Variants in LOXHD1 observed in about 807,000 individuals in gnomAD.
LOXHD1 encodes lipoxygenase homology domain-containing protein 1.
Under a neutral mutation model 248.2 loss-of-function variants are expected in LOXHD1, and 205 were observed. The observed-to-expected ratio is 0.83, with a 90% confidence interval of 0.74 to 0.93. The LOEUF is 0.93. Ranked by LOEUF, LOXHD1 falls within the 40% of genes least tolerant of loss-of-function variation. The probability of loss-of-function intolerance (pLI) is 0.00; values close to 1 mark genes in which losing one functional copy is unlikely to be tolerated. For missense variants in LOXHD1, 2,930 were observed against 2,971.6 expected (o/e 0.99, Z 0.33); for synonymous variants, 1,113 against 1,162.8 (o/e 0.96, Z 0.87).
chr18:46,505,186 C>CT (rs34975318), intron 37 of LOXHD1, among the ~76,000 whole-genome samples: 6,718 of 145,068 alleles, frequency 0.046, 154 homozygotes, highest in South Asian at 0.067. Flanking sequence ...ATAATCCCTT[C>CT]TTTTTTTTTT....
At chr18:46,595,377 T>A (rs577294383) in intron 8 of LOXHD1, among the ~76,000 whole-genome samples, 1 of 152,294 alleles carries the variant, frequency 6.6e-6, no homozygotes, top group Non-Finnish European at 1.5e-5. Flanking sequence ...TCCCTAGAGA[T>A]AAATGATGGC....
intron 6 of LOXHD1, among the ~76,000 whole-genome samples, chr18:46,605,678 G>C (rs914809816): frequency 6.6e-6 from 1 of 152,172 alleles, no homozygotes; most frequent in Non-Finnish European, 1.5e-5. Flanking sequence ...CAGGATCTGA[G>C]AACTGGACTA....
rs561003310 is a variant in LOXHD1, at chr18:46,593,028, T to C, written c.1432-444A>G. On this transcript the variant is annotated intron_variant, in intron 10 of 40. Coordinates refer to ENST00000642948, the MANE Select transcript of LOXHD1 (RefSeq NM_001384474.1). ...CTCATAGTCTAGCAGAAAAGATAAA[T>C]ATATAAAGAGCAATGAACTGAGTGG... Among the ~76,000 whole-genome samples the C allele has an allele frequency of 2.2e-4, 33 of 152,156 alleles. No individual in the cohort carries two copies. In the South Asian group the frequency reaches 5.8e-3, roughly 27 times the overall value.
At chr18:46,612,858 A>T (rs186099652) in intron 5 of LOXHD1, among the ~76,000 whole-genome samples, 1 of 152,238 alleles carries the variant, frequency 6.6e-6, no homozygotes, top group East Asian at 1.9e-4. Flanking sequence ...GTAATCGAAC[A>T]TTTCATCTTT....
At chr18:46,611,937 A>G (rs1599049014) in intron 5 of LOXHD1, among the ~76,000 whole-genome samples, 1 of 152,138 alleles carries the variant, frequency 6.6e-6, no homozygotes, top group Non-Finnish European at 1.5e-5. Context: ...TGTGATAGTC[A>G]CTATTATATT....
At chr18:46,560,626 C>T in intron 18 of LOXHD1, 81 bp from the exon 19 acceptor site, 16 of 1,305,430 alleles carry the variant, frequency 1.2e-5, no homozygotes, top group Non-Finnish European at 1.7e-5. Flanking sequence ...AACAAAGAGC[C>T]AGGCACAAGG....
Position 46,655,650 on chromosome 18 carries a change from A to AG in LOXHD1, c.130+1253dup, listed in dbSNP as rs760174973. On this transcript the variant is annotated intron_variant, in intron 1 of 40. Coordinates refer to ENST00000642948, the MANE Select transcript of LOXHD1 (RefSeq NM_001384474.1). ...CTACAGCCCCCCCTTCTACCCTTGG[A>AG]GGTACCCAGGATTCTGTACCTGGAA... is the stretch of plus-strand genomic sequence containing the variant. 1.3e-5 allele frequency among the ~76,000 whole-genome samples: 2 copies of AG among 152,130 alleles called. 1 individual carries two copies. The highest frequency in any genetic ancestry group is 2.9e-5 in the Non-Finnish European group (2 of 68,004).
At chr18:46,587,051 A>C (rs954637873) in intron 12 of LOXHD1, among the ~76,000 whole-genome samples, 4 of 152,220 alleles carry the variant, frequency 2.6e-5, no homozygotes, top group African/African-American at 4.8e-5. Context: ...TAGGCACTTA[A>C]ACCATGAGTT....
chr18:46,624,247 C>G (rs994484777), intron 4 of LOXHD1, among the ~76,000 whole-genome samples: 2 of 152,118 alleles, frequency 1.3e-5, no homozygotes, highest in Admixed American at 1.3e-4. Context: ...CACTGAGAGC[C>G]AAGACGCTAG....
At chr18:46,536,619 G>A (rs778898444) in intron 26 of LOXHD1, among the ~76,000 whole-genome samples, 8 of 152,218 alleles carry the variant, frequency 5.3e-5, no homozygotes, top group African/African-American at 7.2e-5. Context: ...AGCCTCAGCC[G>A]CTGACGGCAT....
intron 1 of LOXHD1, among the ~76,000 whole-genome samples, chr18:46,651,870 G>A (rs187530694): frequency 1.3e-5 from 2 of 152,288 alleles, no homozygotes; most frequent in Admixed American, 6.5e-5. Flanking sequence ...TTAATACCCA[G>A]AAATTCCACT....
intron 37 of LOXHD1, among the ~76,000 whole-genome samples, chr18:46,502,944 T>C (rs1004651597): frequency 6.6e-6 from 1 of 152,142 alleles, no homozygotes; most frequent in Non-Finnish European, 1.5e-5. Context: ...GGGTTCTAAT[T>C]CCTTTGGGTC....
chr18:46,597,785 C>G (rs1599038433), intron 8 of LOXHD1, among the ~76,000 whole-genome samples: 1 of 148,872 alleles, frequency 6.7e-6, no homozygotes, highest in Non-Finnish European at 1.5e-5. Flanking sequence ...GAGATGGAGT[C>G]TCGCTCTGTT....
intron 38 of LOXHD1, among the ~76,000 whole-genome samples, chr18:46,488,728 G>T (rs879265863): frequency 6.6e-5 from 10 of 152,172 alleles, no homozygotes; most frequent in Non-Finnish European, 1.2e-4. Context: ...TCAGGTCAGG[G>T]TCAGCTTGTC....
chr18:46,535,642 C>T (rs1202104546), intron 26 of LOXHD1, among the ~76,000 whole-genome samples: 1 of 152,104 alleles, frequency 6.6e-6, no homozygotes, highest in Non-Finnish European at 1.5e-5. Flanking sequence ...AAACTCAGCT[C>T]ACGGCAACCT....
At chr18:46,486,865 T>C (rs16978569) in intron 38 of LOXHD1, among the ~76,000 whole-genome samples, 22,743 of 152,256 alleles carry the variant, frequency 0.15, 3,001 homozygotes, top group East Asian at 0.73. Flanking sequence ...TTTAGGTAGA[T>C]TAGAAACACA....
intron 25 of LOXHD1, 62 bp from the exon 26 acceptor site, chr18:46,538,399 G>A (rs1428324374): frequency 2.0e-6 from 3 of 1,480,772 alleles, no homozygotes; most frequent in African/African-American, 1.4e-5. Flanking sequence ...CAAACATGGT[G>A]AGAGCCAGTT....
intron 4 of LOXHD1, among the ~76,000 whole-genome samples, chr18:46,628,855 C>A (rs767496478): frequency 5.3e-5 from 8 of 152,188 alleles, no homozygotes; most frequent in Non-Finnish European, 8.8e-5. Context: ...CCCCACTTTA[C>A]AAATGAGAAA....
rs1489843321 is a variant in LOXHD1, at chr18:46,477,379, T to G, written c.*93A>C. 2.0e-6 allele frequency: 3 copies of G among 1,508,892 alleles called. 1 individual carries two copies. The highest frequency in any genetic ancestry group is 3.5e-4 in the Middle Eastern group (2 of 5,750). 93.5% of individuals were successfully genotyped at this position (1,508,892 alleles called of 1,614,324 possible). On this transcript the variant is annotated 3_prime_UTR_variant, in exon 41 of 41. Transcript: ENST00000642948. ...GTGGACTGCTAGCCCCCAGTGCCAA[T>G]GCTAGAGGCTTTGAAGGGCTGCTGA...
Sources: allele counts gnomAD v4.1 joint callset (sites outside exome capture counted in the v4.1 genomes callset), GRCh38; gene constraint gnomAD v4.1.1; transcripts MANE v1.5; gene names NCBI Gene and HGNC (gene_info 2026-07-23, HGNC 2026-07-21).